LRRC40: variants seen among roughly 807,000 people sequenced by gnomAD.
LRRC40 encodes leucine rich repeat containing 40, also known as leucine-rich repeat-containing protein 40.
LRRC40 carries 76 observed loss-of-function variants against 72.8 expected under a neutral mutation model. That is an observed-to-expected ratio of 1.04 (90% CI 0.87 to 1.26). LRRC40 has a LOEUF of 1.26. Among genes scored for constraint, LRRC40 ranks in the 50% most tolerant of loss-of-function variants. The pLI is 0.00. For synonymous variants in LRRC40, 243 were observed against 254.2 expected (o/e 0.96, Z 0.42); for missense variants, 684 against 698.9 (o/e 0.98, Z 0.24).
At chr1:70,174,678 C>G (rs964795123) in intron 7 of LRRC40, among the ~76,000 whole-genome samples, 4 of 152,010 alleles carry the variant, frequency 2.6e-5, no homozygotes, top group Non-Finnish European at 5.9e-5. Flanking sequence ...AAGCCAGACA[C>G]AAAAACTACA....
At chr1:70,172,887 C>A (rs979149110) in intron 9 of LRRC40, among the ~76,000 whole-genome samples, 1 of 151,586 alleles carries the variant, frequency 6.6e-6, no homozygotes, top group African/African-American at 2.4e-5. Flanking sequence ...ACTCGTACAA[C>A]TACTTTTTTT....
intron 7 of LRRC40, among the ~76,000 whole-genome samples, chr1:70,174,602 CAATAAA>C (rs1442274930): frequency 1.2e-4 from 18 of 152,132 alleles, no homozygotes; most frequent in Non-Finnish European, 2.5e-4. Flanking sequence ...TAACACTCAG[CAATAAA>C]AATAAAACTA....
At chr1:70,149,583 C>G (rs1424230881) in intron 13 of LRRC40, among the ~76,000 whole-genome samples, 1 of 152,126 alleles carries the variant, frequency 6.6e-6, no homozygotes. Context: ...ACATTACTTG[C>G]AAGGCAATTG....
chr1:70,188,014 GATGAT>G (rs1668406289), intron 2 of LRRC40, among the ~76,000 whole-genome samples: 1 of 152,130 alleles, frequency 6.6e-6, no homozygotes, highest in African/African-American at 2.4e-5. Context: ...ACAGCTCTCT[GATGAT>G]ATGATTTATG....
intron 2 of LRRC40, 104 bp downstream of exon 2, chr1:70,188,988 C>T: frequency 5.5e-6 from 5 of 905,380 alleles, no homozygotes; most frequent in Non-Finnish European, 8.4e-6. Context: ...ACTATCTGTC[C>T]TTGCATTACC....
At chr1:70,170,908 G>C (rs888101957) in intron 9 of LRRC40, among the ~76,000 whole-genome samples, 2 of 152,042 alleles carry the variant, frequency 1.3e-5, no homozygotes, top group Non-Finnish European at 2.9e-5. Flanking sequence ...AACAAGAGGA[G>C]CCCTCCTAAA....
intron 9 of LRRC40, among the ~76,000 whole-genome samples, chr1:70,171,740 T>C (rs1250015810): frequency 6.6e-6 from 1 of 152,156 alleles, no homozygotes; most frequent in Admixed American, 6.6e-5. Context: ...CATATACTAC[T>C]GGTGAGAATG....
chr1:70,154,085 G>C (rs1270900704), intron 11 of LRRC40, among the ~76,000 whole-genome samples: 9 of 151,356 alleles, frequency 5.9e-5, no homozygotes, highest in Non-Finnish European at 2.9e-5. Flanking sequence ...AATCAGTGAT[G>C]AAACTACAAC....
intron 14 of LRRC40, chr1:70,148,137 CAAAAA>C: frequency 1.1e-5 from 1 of 91,250 alleles, no homozygotes. Flanking sequence ...CAATCAATTT[CAAAAA>C]AAAAAAAAAA....
chr1:70,177,814 C>T (rs1362226197), intron 6 of LRRC40, among the ~76,000 whole-genome samples: 1 of 152,088 alleles, frequency 6.6e-6, no homozygotes, highest in Non-Finnish European at 1.5e-5. Context: ...TGCACAGGTC[C>T]ACTTATATGT....
chr1:70,186,626 T>C (rs1668364350), intron 3 of LRRC40, among the ~76,000 whole-genome samples: 1 of 152,200 alleles, frequency 6.6e-6, no homozygotes, highest in African/African-American at 2.4e-5. Context: ...CATTTTTTTC[T>C]ACTCCAAAAT....
intron 3 of LRRC40, among the ~76,000 whole-genome samples, chr1:70,185,758 T>G (rs1176869977): frequency 1.3e-5 from 2 of 152,200 alleles, no homozygotes; most frequent in Admixed American, 6.5e-5. Context: ...AATTCCACTC[T>G]TCTTCATACT....
intron 6 of LRRC40, among the ~76,000 whole-genome samples, chr1:70,176,903 T>C (rs1338995349): frequency 2.6e-5 from 4 of 152,176 alleles, no homozygotes; most frequent in Non-Finnish European, 5.9e-5. Flanking sequence ...TACAAATCTA[T>C]TATAAAAAGT....
chr1:70,191,385 G>C (rs1668497336), intron 1 of LRRC40, among the ~76,000 whole-genome samples: 1 of 152,126 alleles, frequency 6.6e-6, no homozygotes, highest in Non-Finnish European at 1.5e-5. Flanking sequence ...GGAGAAAGGT[G>C]GGGATAACAA....
At chr1:70,173,195 G>A (rs1558118836) in intron 9 of LRRC40, among the ~76,000 whole-genome samples, 1 of 151,922 alleles carries the variant, frequency 6.6e-6, no homozygotes, top group Non-Finnish European at 1.5e-5. Context: ...AGTACTAAGT[G>A]CTTACTGAAT....
Position 70,159,328 on chromosome 1 carries a change from A to G in LRRC40, c.1220+2T>C, listed in dbSNP as rs777831612. On this transcript the variant is annotated splice_donor_variant, in intron 10 of 14. Transcript: ENST00000370952. LOFTEE classifies it high-confidence loss of function. ...AAATAAAAATAATAATAAATTACATACCTATAGTCTAATATTTTTAATGTA... is the reference window on the plus strand; with the variant it reads ...AAATAAAAATAATAATAAATTACATGCCTATAGTCTAATATTTTTAATGTA... The G allele has an allele frequency of 1.6e-6, 2 of 1,253,460 alleles. No individual in the cohort carries two copies. The highest frequency in any genetic ancestry group is 4.8e-5 in the East Asian group (2 of 41,376). The allele number at this position is 1,253,460 out of a possible 1,614,324, so 77.6% of individuals were successfully genotyped here. A position where few individuals can be genotyped will look rare whatever the true frequency, so the allele number is the denominator to read the frequency against.
In LRRC40 at chr1:70,164,041, G is replaced by A. The variant is rs559035087; in HGVS notation, c.1112-4603C>T. The stretch of plus-strand genomic sequence containing the variant: ...CTTGCTGTGTCCTCATATGGCATAA[G>A]GCAGAAGTGCTAGAGAACACTGCCT... On this transcript the variant is annotated intron_variant, in intron 9 of 14. Coordinates refer to ENST00000370952, the MANE Select transcript of LRRC40 (RefSeq NM_017768.5). Among the ~76,000 whole-genome samples the A allele has an allele frequency of 1.9e-4, 29 of 152,254 alleles. No homozygotes were observed. The South Asian group carries it at 4.8e-3, about 25-fold the overall frequency.
intron 11 of LRRC40, among the ~76,000 whole-genome samples, chr1:70,155,311 C>T (rs1442586286): frequency 6.6e-6 from 1 of 151,956 alleles, no homozygotes; most frequent in Non-Finnish European, 1.5e-5. Context: ...CCTATTAATC[C>T]ACATGGACCT....
chr1:70,171,170 G>C (rs1262339343), intron 9 of LRRC40, among the ~76,000 whole-genome samples: 1 of 151,968 alleles, frequency 6.6e-6, no homozygotes, highest in Non-Finnish European at 1.5e-5. Flanking sequence ...CAATGAAATT[G>C]AACCCTTACC....
Sources: allele counts gnomAD v4.1 joint callset (sites outside exome capture counted in the v4.1 genomes callset), GRCh38; gene constraint gnomAD v4.1.1; transcripts MANE v1.5; gene names NCBI Gene and HGNC (gene_info 2026-07-23, HGNC 2026-07-21).